CATSPERD: variants seen among roughly 807,000 people sequenced by gnomAD.
CATSPERD encodes the protein cation channel sperm-associated auxiliary subunit delta.
Under a neutral mutation model 98.1 loss-of-function variants are expected in CATSPERD, and 86 were observed. That is an observed-to-expected ratio of 0.88 (90% CI 0.74 to 1.05). The LOEUF is 1.05. Ranked by LOEUF, CATSPERD falls within the 50% of genes least tolerant of loss-of-function variation. CATSPERD has a pLI of 0.00. For synonymous variants in CATSPERD, 394 were observed against 390.2 expected (o/e 1.01, Z -0.12); for missense variants, 995 against 1,005.7 (o/e 0.99, Z 0.14).
Position 5,763,847 on chromosome 19 carries a change from C to CTTTTTTTTTTTT in CATSPERD, c.1506+561_1506+572dup, listed in dbSNP as rs56352544. On this transcript the variant is annotated intron_variant, in intron 16 of 21. Transcript: ENST00000381624. ...TGTTGGCCAGGCTGGTCTTGAACTC[C>CTTTTTTTTTTTT]TTTTTTTTTTTTTTTTTTGACATGG... Among the ~76,000 whole-genome samples the CTTTTTTTTTTTT allele has an allele frequency of 4.4e-3, 274 of 62,114 alleles. 46 individuals are homozygous for CTTTTTTTTTTTT. Among genetic ancestry groups the CTTTTTTTTTTTT allele is most frequent in the South Asian group, 9.8e-3 (16 of 1,626 alleles). 40.7% of individuals were successfully genotyped at this position (62,114 alleles called of 152,430 possible).
At chr19:5,759,233 C>T (rs1042367048) in intron 15 of CATSPERD, 89 bp downstream of exon 15, 4 of 1,188,890 alleles carry the variant, frequency 3.4e-6, no homozygotes, top group South Asian at 1.2e-5. Flanking sequence ...GAGATCAGAC[C>T]CCCAGCTCCA....
At chr19:5,773,143 G>A (rs1431252880) in intron 20 of CATSPERD, among the ~76,000 whole-genome samples, 178 bp downstream of exon 20, 1 of 152,160 alleles carries the variant, frequency 6.6e-6, no homozygotes, top group Non-Finnish European at 1.5e-5. Context: ...CATGAGGTCA[G>A]GAGTTTGAGA....
intron 10 of CATSPERD, 86 bp from the exon 11 acceptor site, chr19:5,749,015 C>A: frequency 1.8e-6 from 2 of 1,124,786 alleles, no homozygotes; most frequent in Non-Finnish European, 2.6e-6. Context: ...CAGGCGTGAG[C>A]CACTGCACCC....
intron 19 of CATSPERD, among the ~76,000 whole-genome samples, 153 bp downstream of exon 19, chr19:5,771,225 T>C (rs1047930724): frequency 5.9e-5 from 9 of 152,192 alleles, no homozygotes; most frequent in African/African-American, 2.2e-4. Flanking sequence ...CCAGCCCCAC[T>C]GGCCCCCAGG....
intron 4 of CATSPERD, among the ~76,000 whole-genome samples, chr19:5,730,145 C>T (rs950766828): frequency 1.3e-5 from 2 of 152,124 alleles, no homozygotes; most frequent in Non-Finnish European, 2.9e-5. Flanking sequence ...AATAGACTTT[C>T]TATTCCTGAA....
intron 6 of CATSPERD, among the ~76,000 whole-genome samples, chr19:5,738,562 T>A (rs2055894582): frequency 1.3e-5 from 2 of 151,910 alleles, no homozygotes; most frequent in Admixed American, 1.3e-4. Context: ...ACAAACTTAA[T>A]TACTAATAGC....
chr19:5,765,671 G>A (rs1031883475), intron 16 of CATSPERD, among the ~76,000 whole-genome samples: 18 of 151,842 alleles, frequency 1.2e-4, no homozygotes, highest in Admixed American at 4.6e-4. Flanking sequence ...AATTAGCCGG[G>A]TGTGCTGGTA....
chr19:5,742,131 T>C (rs894328928), intron 7 of CATSPERD, among the ~76,000 whole-genome samples: 9 of 146,802 alleles, frequency 6.1e-5, no homozygotes, highest in African/African-American at 2.0e-4. Flanking sequence ...TGTGTGTGCG[T>C]GTGTGCGCGT....
chr19:5,766,305 AT>A, intron 17 of CATSPERD, 150 bp downstream of exon 17: 1 of 500,462 alleles, frequency 2.0e-6, no homozygotes, highest in Admixed American at 4.0e-5. Context: ...AAAAAAAAAA[AT>A]TAGGCGTGGT....
At chr19:5,744,303 C>T (rs1250092407) in intron 7 of CATSPERD, 124 bp from the exon 8 acceptor site, 3 of 790,092 alleles carry the variant, frequency 3.8e-6, no homozygotes, top group African/African-American at 1.8e-5. Flanking sequence ...CCACAGAGGG[C>T]ATTATTTGTT....
intron 13 of CATSPERD, among the ~76,000 whole-genome samples, chr19:5,756,007 G>A (rs985263530): frequency 1.3e-5 from 2 of 151,682 alleles, no homozygotes; most frequent in African/African-American, 2.4e-5. Context: ...TTGTCCAGGC[G>A]CGGTGGCTCA....
At chr19:5,743,137 A>G (rs750520979) in intron 7 of CATSPERD, among the ~76,000 whole-genome samples, 2 of 152,106 alleles carry the variant, frequency 1.3e-5, no homozygotes, top group Non-Finnish European at 2.9e-5. Context: ...CCTCATCTCT[A>G]CTAAAAATAC....
rs143559496 is a variant in CATSPERD at position 5,733,307 on chromosome 19, TTTTCTTTC to T, written c.277-528_277-521del. On this transcript the variant is annotated intron_variant, in intron 4 of 21. Coordinates refer to ENST00000381624, the MANE Select transcript of CATSPERD (RefSeq NM_152784.4). ...CTGCGCCTGGTCTCTTTCTTTTTCTTTTTCTTTCTTTCTTTCTTTCTTTCTTTCCTTTC... is the reference window on the plus strand; with the variant it reads ...CTGCGCCTGGTCTCTTTCTTTTTCTTTTTCTTTCTTTCTTTCTTTCCTTTC... Among the ~76,000 whole-genome samples the T allele has an allele frequency of 9.9e-3, 1,449 of 146,936 alleles. 24 individuals are homozygous for T. Among genetic ancestry groups the T allele is most frequent in the African/African-American group, 0.036 (1,364 of 38,398 alleles).
intron 1 of CATSPERD, among the ~76,000 whole-genome samples, chr19:5,722,735 C>G (rs1038166096): frequency 2.6e-5 from 4 of 151,646 alleles, no homozygotes; most frequent in Non-Finnish European, 2.9e-5. Flanking sequence ...TCAAGACCCC[C>G]CCCCCCGCAA....
At chr19:5,752,782 C>T (rs758764966) in intron 12 of CATSPERD, among the ~76,000 whole-genome samples, 2 of 151,984 alleles carry the variant, frequency 1.3e-5, no homozygotes, top group South Asian at 2.1e-4. Flanking sequence ...AATCCTAACA[C>T]TTTGGGAGGC....
chr19:5,756,976 G>A (rs549585905), intron 13 of CATSPERD, among the ~76,000 whole-genome samples: 18 of 148,748 alleles, frequency 1.2e-4, no homozygotes, highest in Non-Finnish European at 2.1e-4. Context: ...TAGGCCAGGT[G>A]CGGTGGCTCA....
Position 5,766,160 on chromosome 19 carries a change from G to T in CATSPERD, c.1559+5G>T. 1 of 1,612,126 alleles carries T rather than the reference G, an allele frequency of 6.2e-7. No individual in the cohort carries two copies. The highest frequency in any genetic ancestry group is 8.5e-7 in the Non-Finnish European group (1 of 1,178,998). On this transcript the variant is annotated splice_donor_5th_base_variant and intron_variant, in intron 17 of 21. Transcript: ENST00000381624. ...TAAAAAGATCGTCATCCAGAAGTAA[G>T]TATGTTGAGGCCGGGCACCATGGCT...
At chr19:5,762,058 A>ATATATATATATATATATATATATTT in intron 15 of CATSPERD, among the ~76,000 whole-genome samples, 1 of 10,438 alleles carries the variant, frequency 9.6e-5, no homozygotes, top group Non-Finnish European at 1.8e-4. Flanking sequence ...ATATATATAT[A>ATATATATATATATATATATATATTT]TTTTTTTTTT....
intron 13 of CATSPERD, among the ~76,000 whole-genome samples, 188 bp from the exon 14 acceptor site, chr19:5,757,655 C>G (rs1287760842): frequency 1.4e-5 from 2 of 138,360 alleles, no homozygotes; most frequent in Non-Finnish European, 3.0e-5. Context: ...TGCCCAGGCT[C>G]GTCTTGAACT....
Sources: allele counts gnomAD v4.1 joint callset (sites outside exome capture counted in the v4.1 genomes callset), GRCh38; gene constraint gnomAD v4.1.1; transcripts MANE v1.5; gene names NCBI Gene and HGNC (gene_info 2026-07-23, HGNC 2026-07-21).